Variants in ANKRD55 observed in about 807,000 individuals in gnomAD.
The protein encoded by ANKRD55 is ankyrin repeat domain-containing protein 55.
In ANKRD55, 41 loss-of-function variants were observed where a neutral mutation model predicts 60.6. The observed-to-expected ratio is 0.68, with a 90% CI of 0.53 to 0.88. ANKRD55 has a LOEUF of 0.88. Among genes scored for constraint, ANKRD55 ranks in the 40% least tolerant of loss-of-function variants. The pLI is 0.00. For missense variants in ANKRD55, 732 were observed against 767.6 expected, an observed-to-expected ratio of 0.95 and a Z score of 0.55; for synonymous variants, 264 against 290.3, an observed-to-expected ratio of 0.91 and a Z score of 0.92.
At chr5:56,137,995 A>G (rs1757655308) in intron 7 of ANKRD55, among the ~76,000 whole-genome samples, 1 of 152,230 alleles carries the variant, frequency 6.6e-6, no homozygotes, top group African/African-American at 2.4e-5. Context: ...ATTGATTAGG[A>G]AGGCTAAAAT....
chr5:56,140,694 T>A (rs1361508900), intron 7 of ANKRD55, among the ~76,000 whole-genome samples: 1 of 152,206 alleles, frequency 6.6e-6, no homozygotes, highest in Non-Finnish European at 1.5e-5. Context: ...CCCATTAATA[T>A]GAATTCATTT....
chr5:56,102,415 G>A, intron 11 of ANKRD55, 79 bp downstream of exon 11: 1 of 1,040,422 alleles, frequency 9.6e-7, no homozygotes, highest in Non-Finnish European at 1.4e-6. Flanking sequence ...AAAAATGAAA[G>A]TAAACGGAAA....
chr5:56,117,195 G>C (rs1756909667), intron 8 of ANKRD55, among the ~76,000 whole-genome samples: 2 of 152,166 alleles, frequency 1.3e-5, no homozygotes, highest in Admixed American at 1.3e-4. Context: ...TGTCCATTTT[G>C]GTAGGCAAAA....
intron 8 of ANKRD55, among the ~76,000 whole-genome samples, chr5:56,122,024 A>G (rs1352060539): frequency 6.6e-6 from 1 of 152,242 alleles, no homozygotes; most frequent in African/African-American, 2.4e-5. Context: ...AATGTACAGC[A>G]AATACTTCGA....
chr5:56,193,347 A>G (rs1581013100), intron 2 of ANKRD55: 2 of 847,940 alleles, frequency 2.4e-6, no homozygotes, highest in Admixed American at 4.5e-5. Flanking sequence ...GAAACTTTTC[A>G]TCCCTTTGTT....
intron 2 of ANKRD55, among the ~76,000 whole-genome samples, chr5:56,201,924 G>A (rs1039831762): frequency 6.6e-6 from 1 of 152,206 alleles, no homozygotes. Flanking sequence ...ACTGGATAGA[G>A]AAAATGTGAT....
chr5:56,111,466 C>T lies in ANKRD55; in HGVS notation c.1282G>A (p.Gly428Arg), dbSNP rs1363391910. The T allele has an allele frequency of 1.2e-6, 2 of 1,614,116 alleles. No individual in the cohort carries two copies. Among genetic ancestry groups the T allele is most frequent in the Non-Finnish European group, 1.7e-6 (2 of 1,180,024 alleles). Residue 428 changes from glycine to arginine, a missense_variant, in exon 10 of 12, where the codon GGG becomes AGG. Coordinates refer to ENST00000341048, the MANE Select transcript of ANKRD55 (RefSeq NM_024669.3). ...CTCTGCGTTCTGATTGGTGGAAGCC[C>T]CTTACGGGCCAGCGGTTTCTTTTCT... is the stretch of plus-strand genomic sequence containing the variant. ...LPEKKPLARK[G>R]LPPIRTQSLP...
chr5:56,120,335 A>G (rs950407619), intron 8 of ANKRD55, among the ~76,000 whole-genome samples: 8 of 151,920 alleles, frequency 5.3e-5, no homozygotes, highest in Non-Finnish European at 1.0e-4. Context: ...CCCTCTTAAC[A>G]CCATTTCTTC....
chr5:56,158,421 T>C (rs1758248299), intron 6 of ANKRD55, among the ~76,000 whole-genome samples: 1 of 152,236 alleles, frequency 6.6e-6, no homozygotes, highest in South Asian at 2.1e-4. Flanking sequence ...AGAACCTTGT[T>C]AAGGAAATCA....
intron 3 of ANKRD55, among the ~76,000 whole-genome samples, chr5:56,176,778 A>G (rs1465191545): frequency 6.6e-6 from 1 of 152,230 alleles, no homozygotes; most frequent in Non-Finnish European, 1.5e-5. Context: ...CTGTTTTCAG[A>G]ATCAATATAG....
intron 7 of ANKRD55, among the ~76,000 whole-genome samples, chr5:56,143,425 T>C (rs1445116458): frequency 6.6e-6 from 1 of 152,140 alleles, no homozygotes; most frequent in Non-Finnish European, 1.5e-5. Context: ...TCACCTGAAA[T>C]GACTCTGCTG....
In ANKRD55 at chr5:56,116,779, T is replaced by G; in HGVS notation, c.801A>C (p.Thr267=). The change falls in exon 9 of 12, where the codon ACA becomes ACC. Residue 267 remains threonine, a synonymous_variant. Transcript: ENST00000341048. ...CTGCAGCTGCAGCCCAGTGCAGAGGTGTCCTGGAGGGGCCATGTGAAAAAA... is the reference window on the plus strand; with the variant it reads ...CTGCAGCTGCAGCCCAGTGCAGAGGGGTCCTGGAGGGGCCATGTGAAAAAA... ...NLQALDVDDR[T]PLHWAAAAGK... is the part of the protein sequence containing the mutation. The G allele has an allele frequency of 1.2e-6, 2 of 1,602,086 alleles. No homozygotes were observed. The highest frequency in any genetic ancestry group is 1.1e-5 in the South Asian group (1 of 89,540).
chr5:56,169,725 G>A (rs56202712), intron 5 of ANKRD55, among the ~76,000 whole-genome samples: 45,004 of 152,006 alleles, frequency 0.3, 11,906 homozygotes, highest in African/African-American at 0.7. Context: ...ACCCAGACAG[G>A]GCTTCAGGTT....
intron 2 of ANKRD55, among the ~76,000 whole-genome samples, chr5:56,195,957 T>C (rs1759218523): frequency 6.6e-6 from 1 of 152,192 alleles, no homozygotes; most frequent in Admixed American, 6.5e-5. Flanking sequence ...TTTACCATAG[T>C]GTGGACATGA....
chr5:56,195,890 C>T (rs530261261), intron 2 of ANKRD55, among the ~76,000 whole-genome samples: 1 of 152,338 alleles, frequency 6.6e-6, no homozygotes, highest in African/African-American at 2.4e-5. Flanking sequence ...TACCTATTAT[C>T]ATGGTAGTAT....
At chr5:56,105,757 T>C (rs1346965670) in intron 10 of ANKRD55, among the ~76,000 whole-genome samples, 1 of 152,178 alleles carries the variant, frequency 6.6e-6, no homozygotes, top group African/African-American at 2.4e-5. Flanking sequence ...AAACGTTTGA[T>C]GGGTTTAGAC....
intron 9 of ANKRD55, among the ~76,000 whole-genome samples, chr5:56,114,656 C>G (rs2111685765): frequency 6.6e-6 from 1 of 152,114 alleles, no homozygotes; most frequent in East Asian, 1.9e-4. Context: ...TGTATAAGAC[C>G]CATTTAAAGT....
intron 2 of ANKRD55, among the ~76,000 whole-genome samples, chr5:56,223,331 C>T (rs1760019987): frequency 6.6e-6 from 1 of 152,100 alleles, no homozygotes; most frequent in African/African-American, 2.4e-5. Flanking sequence ...CCAGGCCTGC[C>T]CTAAAAGAGC....
chr5:56,224,553 C>CT (rs777215334), intron 2 of ANKRD55, among the ~76,000 whole-genome samples: 2 of 151,878 alleles, frequency 1.3e-5, no homozygotes, highest in Admixed American at 6.6e-5. Flanking sequence ...CCAGGAGCCG[C>CT]TTTTTTGAAA....
Sources: allele counts gnomAD v4.1 joint callset (sites outside exome capture counted in the v4.1 genomes callset), GRCh38; gene constraint gnomAD v4.1.1; transcripts MANE v1.5; gene names NCBI Gene and HGNC (gene_info 2026-07-23, HGNC 2026-07-21).